TRIM37: variants seen among roughly 807,000 people sequenced by gnomAD.
TRIM37 encodes tripartite motif containing 37.
In TRIM37, 80 loss-of-function variants were observed where a neutral mutation model predicts 129.8. The observed-to-expected ratio is 0.62, with a 90% CI of 0.51 to 0.74. The LOEUF is 0.74. Ranked by LOEUF, TRIM37 falls within the 30% of genes least tolerant of loss-of-function variation. TRIM37 has a pLI of 0.00. For synonymous variants in TRIM37, 389 were observed against 387.1 expected, an observed-to-expected ratio of 1.00 and a Z score of -0.06; for missense variants, 1,054 against 1,176.5, an observed-to-expected ratio of 0.90 and a Z score of 1.52.
chr17:59,046,299 C>T (rs991655688), intron 16 of TRIM37, among the ~76,000 whole-genome samples: 2 of 152,052 alleles, frequency 1.3e-5, no homozygotes, highest in African/African-American at 4.8e-5. Context: ...AGTGAAGAAA[C>T]CTGGCGGATG....
rs940809611 is a variant in TRIM37 at position 59,028,679 on chromosome 17, T to C, written c.1993A>G (p.Met665Val). The change falls in exon 19 of 24, where the codon ATG becomes GTG. Residue 665 changes from methionine to valine, a missense_variant. By Grantham distance (21) the Met-to-Val change is conservative. Transcript: ENST00000262294. ...TTTAAATCAGAGGGCACTCGCCACA[T>C]TGCCTGTTGCTTCCTTTGGTCTTTA... ...KDKDQRKQQA[M>V]WRVPSDLKML... The C allele has an allele frequency of 2.5e-6, 4 of 1,614,128 alleles. No homozygotes were observed. In the South Asian group the frequency reaches 3.3e-5, roughly 13 times the overall value.
At chr17:59,014,870 C>G (rs1432110349) in intron 21 of TRIM37, among the ~76,000 whole-genome samples, 1 of 150,940 alleles carries the variant, frequency 6.6e-6, no homozygotes, top group African/African-American at 2.4e-5. Flanking sequence ...AAAGTACTAT[C>G]TCTTGAGACC....
intron 2 of TRIM37, among the ~76,000 whole-genome samples, chr17:59,095,525 G>C (rs940556434): frequency 2.0e-5 from 3 of 152,112 alleles, no homozygotes; most frequent in African/African-American, 7.2e-5. Context: ...AGCTATAAGA[G>C]AAAACAGGCA....
rs145959296 is a variant in TRIM37, at chr17:59,067,108, C to T, written c.810-2703G>A. 1.3e-3 allele frequency among the ~76,000 whole-genome samples: 194 copies of T among 152,156 alleles called. 2 individuals are homozygous for T. The Middle Eastern group carries it at 0.017, about 13-fold the overall frequency. ...AGGCTGGAGTGCAGTGGCGCGATCTCGGCTCACTGATTTTGCATTCTTTAT... is the reference window on the plus strand; with the variant it reads ...AGGCTGGAGTGCAGTGGCGCGATCTTGGCTCACTGATTTTGCATTCTTTAT... On this transcript the variant is annotated intron_variant, in intron 9 of 23. Transcript: ENST00000262294.
chr17:59,067,257 T>TGA (rs2041990499), intron 9 of TRIM37, among the ~76,000 whole-genome samples: 1 of 152,240 alleles, frequency 6.6e-6, no homozygotes. Context: ...TGTCTGCAGA[T>TGA]GAGGCACTGC....
chr17:59,005,640 T>C (rs1252332041), intron 22 of TRIM37, among the ~76,000 whole-genome samples: 3 of 152,190 alleles, frequency 2.0e-5, no homozygotes, highest in Non-Finnish European at 4.4e-5. Context: ...CTGAGGCCTA[T>C]AGTGAATATT....
At chr17:59,048,124 A>G (rs2039996634) in intron 15 of TRIM37, among the ~76,000 whole-genome samples, 1 of 152,056 alleles carries the variant, frequency 6.6e-6, no homozygotes, top group African/African-American at 2.4e-5. Flanking sequence ...AATTCTACCT[A>G]ATTTTACCAT....
intron 9 of TRIM37, among the ~76,000 whole-genome samples, chr17:59,069,112 C>T (rs964454117): frequency 1.2e-4 from 18 of 152,110 alleles, no homozygotes; most frequent in African/African-American, 4.3e-4. Flanking sequence ...TTTGGGAGGT[C>T]GAGGCAGGCA....
intron 12 of TRIM37, among the ~76,000 whole-genome samples, chr17:59,058,686 C>T (rs1416713660): frequency 1.3e-5 from 2 of 151,888 alleles, no homozygotes; most frequent in Admixed American, 6.6e-5. Flanking sequence ...GGCGAAACCC[C>T]GTCTCCATAA....
At chr17:58,986,429 C>CCT (rs980620220) in intron 24 of TRIM37, among the ~76,000 whole-genome samples, 4 of 151,746 alleles carry the variant, frequency 2.6e-5, no homozygotes, top group African/African-American at 9.7e-5. Context: ...GAACTCCTGA[C>CCT]CTCAGATGAT....
chr17:59,081,937 CAA>C (rs1157296161), intron 5 of TRIM37, among the ~76,000 whole-genome samples: 658 of 48,900 alleles, frequency 0.013, 17 homozygotes, highest in African/African-American at 0.051. Context: ...TAATAAAAAC[CAA>C]AAAAAAAAAA....
chr17:59,090,093 C>G (rs892778841), intron 3 of TRIM37: 2 of 152,104 alleles, frequency 1.3e-5, no homozygotes. Context: ...GAGCGAGACT[C>G]TGTCTCAAAA....
chr17:58,994,500 T>C (rs527781377), downstream of TRIM37, among the ~76,000 whole-genome samples: 15 of 152,230 alleles, frequency 9.9e-5, no homozygotes, highest in African/African-American at 2.9e-4. Context: ...GGTGGGAGGA[T>C]TGCTTGAGCC....
At chr17:59,004,523 C>A (rs965755908) in intron 22 of TRIM37, among the ~76,000 whole-genome samples, 2 of 151,674 alleles carry the variant, frequency 1.3e-5, no homozygotes, top group African/African-American at 2.4e-5. Flanking sequence ...TTGAAAAGAT[C>A]GATAAAGTTA....
chr17:58,972,735 A>G, the TRIM37 span: 16 of 1,083,688 alleles, frequency 1.5e-5, no homozygotes, highest in Admixed American at 2.5e-4. Flanking sequence ...GAACCTTTTC[A>G]TGAGCTGATG....
At chr17:59,085,940 G>C (rs1283196344) in intron 4 of TRIM37, among the ~76,000 whole-genome samples, 1 of 152,108 alleles carries the variant, frequency 6.6e-6, no homozygotes, top group Non-Finnish European at 1.5e-5. Flanking sequence ...TACAAAAAGA[G>C]AGGTACTGTA....
the TRIM37 span, chr17:58,969,384 T>A: frequency 2.6e-6 from 2 of 765,252 alleles, no homozygotes; most frequent in Non-Finnish European, 4.6e-6. Flanking sequence ...CAGCAGTTGA[T>A]CAGGCATGTT....
At chr17:59,053,040 G>C (rs1385912346) in intron 13 of TRIM37, among the ~76,000 whole-genome samples, 1 of 152,134 alleles carries the variant, frequency 6.6e-6, no homozygotes, top group Non-Finnish European at 1.5e-5. Flanking sequence ...ACTGAGTAGA[G>C]ATGATTCACT....
intron 11 of TRIM37, 111 bp downstream of exon 11, chr17:59,062,456 T>A (rs955019449): frequency 4.6e-6 from 4 of 861,294 alleles, no homozygotes; most frequent in Non-Finnish European, 7.6e-6. Context: ...GGACAGCATA[T>A]GTAACAAAAA....
Sources: allele counts gnomAD v4.1 joint callset (sites outside exome capture counted in the v4.1 genomes callset), GRCh38; gene constraint gnomAD v4.1.1; transcripts MANE v1.5; gene names NCBI Gene and HGNC (gene_info 2026-07-23, HGNC 2026-07-21).